PHKA1: variants seen among roughly 807,000 people sequenced by gnomAD.
PHKA1 encodes the protein phosphorylase kinase regulatory subunit alpha 1.
Under a neutral mutation model 110.2 loss-of-function variants are expected in PHKA1, and 60 were observed. That is an observed-to-expected ratio of 0.54 (90% CI 0.44 to 0.68). The LOEUF is 0.68. PHKA1 is among the 30% of genes least tolerant of loss of function. The probability of loss-of-function intolerance (pLI) is 0.00; values close to 1 mark genes in which losing one functional copy is unlikely to be tolerated. For missense variants in PHKA1, 801 were observed against 942.5 expected, an observed-to-expected ratio of 0.85 and a Z score of 1.97; for synonymous variants, 316 against 333.6, an observed-to-expected ratio of 0.95 and a Z score of 0.58.
At chrX:72,669,560 A>T (rs1465739615) in intron 6 of PHKA1, among the ~76,000 whole-genome samples, 3 of 70,354 alleles carry the variant, frequency 4.3e-5, no homozygotes, top group Admixed American at 2.3e-4. Flanking sequence ...GCCCCGGTGT[A>T]TGATGTTCCC....
Position 72,696,706 on chromosome X carries a change from G to C in PHKA1, c.286-830C>G, listed in dbSNP as rs1302806163. Among the ~76,000 whole-genome samples the C allele has an allele frequency of 4.5e-5, 5 of 111,581 alleles. No individual in the cohort carries two copies. In the East Asian group the frequency reaches 1.4e-3, roughly 32 times the overall value. On this transcript the variant is annotated intron_variant, in intron 3 of 31. Coordinates refer to ENST00000373542, the MANE Select transcript of PHKA1 (RefSeq NM_002637.4). ...AACTATTTTGGGCACAGGTCCTCAG[G>C]ACCTCCTGAAGCTGTGTCATGGGCG... is the stretch of plus-strand genomic sequence containing the variant.
chrX:72,589,650 A>T (rs781982916), intron 29 of PHKA1, among the ~76,000 whole-genome samples: 26 of 109,315 alleles, frequency 2.4e-4, no homozygotes, highest in African/African-American at 8.6e-4. Context: ...CCCTGTTTGC[A>T]CATGACATGA....
At chrX:72,640,694 C>A (rs1407813708) in intron 14 of PHKA1, among the ~76,000 whole-genome samples, 1 of 111,677 alleles carries the variant, frequency 9.0e-6, no homozygotes, top group African/African-American at 3.2e-5. Flanking sequence ...TCCCTGCAGT[C>A]AATGCATACA....
In PHKA1 at chrX:72,602,044, G is replaced by A. The variant is rs1191413387; in HGVS notation, c.3034-15C>T. The A allele has an allele frequency of 1.2e-5, 14 of 1,181,908 alleles. No homozygotes were observed. The Admixed American group carries it at 2.2e-4, about 19-fold the overall frequency. ...CGAAATTCCACCTGAAACATAAATGGCTCAAATTAAACTCAGAATGTGAAA... is the reference window on the plus strand; with the variant it reads ...CGAAATTCCACCTGAAACATAAATGACTCAAATTAAACTCAGAATGTGAAA... On this transcript the variant is annotated splice_polypyrimidine_tract_variant and intron_variant, in intron 27 of 31. Coordinates refer to ENST00000373542, the MANE Select transcript of PHKA1 (RefSeq NM_002637.4).
chrX:72,593,076 T>G, intron 29 of PHKA1, 28 bp downstream of exon 29: 2 of 1,035,168 alleles, frequency 1.9e-6, no homozygotes, highest in Non-Finnish European at 2.7e-6. Context: ...GGGGCAAAAA[T>G]GAGACATCAA....
At position 72,654,079 on chromosome X, in the gene PHKA1, G is replaced by GTCAA. The variant is rs200539500; in HGVS notation, c.1042-550_1042-549insTTGA. Among the ~76,000 whole-genome samples the GTCAA allele has an allele frequency of 0.064, 6,825 of 106,611 alleles. 785 individuals are homozygous for GTCAA. In the East Asian group the frequency reaches 0.67, roughly 10 times the overall value. 92.6% of individuals were successfully genotyped at this position (106,611 alleles called of 115,157 possible). On this transcript the variant is annotated intron_variant, in intron 10 of 31. Transcript: ENST00000373542. ...TAATTTATGATGAAAAAAAAAAATA[G>GTCAA]TTCTGCTATAACACTTTCTTTGTAA...
intron 6 of PHKA1, among the ~76,000 whole-genome samples, chrX:72,673,888 T>G (rs1229984835): frequency 9.2e-6 from 1 of 108,886 alleles, no homozygotes; most frequent in Non-Finnish European, 1.9e-5. Context: ...ATGTGCCATA[T>G]TGGTGTGCTG....
At chrX:72,606,333 A>G (rs868977926) in intron 23 of PHKA1, among the ~76,000 whole-genome samples, 48 of 107,433 alleles carry the variant, frequency 4.5e-4, no homozygotes, top group African/African-American at 1.3e-3. Flanking sequence ...TTGATTTTCT[A>G]TAGTTTCAAT....
intron 14 of PHKA1, among the ~76,000 whole-genome samples, chrX:72,636,655 C>A (rs1485366829): frequency 4.5e-5 from 5 of 111,852 alleles, no homozygotes; most frequent in Admixed American, 3.8e-4. Flanking sequence ...AAAATCAATA[C>A]CTCTTACGAT....
intron 28 of PHKA1, among the ~76,000 whole-genome samples, chrX:72,597,328 G>C: frequency 8.9e-6 from 1 of 111,896 alleles, no homozygotes; most frequent in East Asian, 2.8e-4. Context: ...GGAGTCCAGA[G>C]TTTTGATACA....
intron 23 of PHKA1, among the ~76,000 whole-genome samples, chrX:72,606,927 C>A (rs1389449262): frequency 9.0e-6 from 1 of 111,355 alleles, no homozygotes; most frequent in Non-Finnish European, 1.9e-5. Context: ...TCCATGAGTT[C>A]AATTGTTTTG....
intron 29 of PHKA1, among the ~76,000 whole-genome samples, chrX:72,591,594 TAA>T (rs1277835701): frequency 8.1e-5 from 9 of 111,749 alleles, no homozygotes; most frequent in Non-Finnish European, 1.7e-4. Flanking sequence ...TTACAGAATT[TAA>T]AGAGTATTCA....
At chrX:72,616,534 T>C (rs1044161163) in intron 21 of PHKA1, among the ~76,000 whole-genome samples, 15 of 111,623 alleles carry the variant, frequency 1.3e-4, no homozygotes, top group African/African-American at 3.6e-4. Flanking sequence ...AAGGAAGAGA[T>C]AGACTACAAT....
chrX:72,680,589 G>A (rs1368458366), intron 5 of PHKA1, among the ~76,000 whole-genome samples: 1 of 110,197 alleles, frequency 9.1e-6, no homozygotes, highest in Non-Finnish European at 1.9e-5. Flanking sequence ...GTTAAAGAAA[G>A]TTTTTCGAGG....
intron 14 of PHKA1, among the ~76,000 whole-genome samples, chrX:72,639,537 T>C (rs1556293957): frequency 9.0e-6 from 1 of 110,642 alleles, no homozygotes; most frequent in African/African-American, 3.3e-5. Flanking sequence ...CAAGACTCCA[T>C]CTTGGGGGGA....
chrX:72,657,711 T>C (rs782174996), intron 8 of PHKA1, 70 bp from the exon 9 acceptor site: 8 of 845,454 alleles, frequency 9.5e-6, no homozygotes, highest in Non-Finnish European at 1.1e-5. Flanking sequence ...CAGAAATACA[T>C]CCTTGCAACA....
intron 14 of PHKA1, among the ~76,000 whole-genome samples, chrX:72,639,364 C>T (rs782429487): frequency 6.3e-5 from 7 of 110,689 alleles, no homozygotes; most frequent in African/African-American, 1.6e-4. Context: ...GGTGAAACCC[C>T]GTCTCTACTA....
At chrX:72,649,136 T>C (rs1469690973) in intron 13 of PHKA1, among the ~76,000 whole-genome samples, 2 of 112,147 alleles carry the variant, frequency 1.8e-5, no homozygotes, top group Non-Finnish European at 3.8e-5. Flanking sequence ...TTATATAATG[T>C]TTGCTATATA....
At chrX:72,667,697 T>C (rs1556307048) in intron 6 of PHKA1, among the ~76,000 whole-genome samples, 1 of 112,229 alleles carries the variant, frequency 8.9e-6, no homozygotes, top group Non-Finnish European at 1.9e-5. Flanking sequence ...CACTATCAAG[T>C]ATCATACTTA....
Sources: allele counts gnomAD v4.1 joint callset (sites outside exome capture counted in the v4.1 genomes callset), GRCh38; gene constraint gnomAD v4.1.1; transcripts MANE v1.5; gene names NCBI Gene and HGNC (gene_info 2026-07-23, HGNC 2026-07-21).